The following DHRSX variants were observed in gnomAD, a reference collection of about 807,000 sequenced individuals.
DHRSX encodes dehydrogenase/reductase X-linked, also known as polyprenol dehydrogenase.
Under a neutral mutation model 34.0 loss-of-function variants are expected in DHRSX, and 31 were observed. The ratio of observed to expected loss-of-function variants is 0.91; its 90% CI spans 0.69 to 1.23. The LOEUF is 1.23. Ranked by LOEUF, DHRSX falls within the 50% of genes most tolerant of loss-of-function variation. DHRSX has a pLI of 0.00. For missense variants in DHRSX, 414 were observed against 428.1 expected, an observed-to-expected ratio of 0.97 and a Z score of 0.29; for synonymous variants, 201 against 183.8, an observed-to-expected ratio of 1.09 and a Z score of -0.76.
intron 3 of DHRSX, among the ~76,000 whole-genome samples, chrX:2,308,710 G>A (rs1411601202): frequency 2.7e-5 from 4 of 150,760 alleles, no homozygotes; most frequent in Non-Finnish European, 4.4e-5. Context: ...GAATTCCTAG[G>A]TAGGCAGGGA....
At chrX:2,488,801 T>C in intron 1 of DHRSX, 4 of 1,613,862 alleles carry the variant, frequency 2.5e-6, no homozygotes, top group Non-Finnish European at 3.4e-6. Context: ...CTCGTCCACG[T>C]GCGCGGGAGC....
At chrX:2,470,287 C>T (rs976367591) in intron 1 of DHRSX, among the ~76,000 whole-genome samples, 8 of 150,936 alleles carry the variant, frequency 5.3e-5, no homozygotes, top group Admixed American at 4.7e-4. Context: ...AGGCCAGGAG[C>T]GCTGTGGCTC....
intron 3 of DHRSX, among the ~76,000 whole-genome samples, chrX:2,373,019 G>C (rs1314191168): frequency 6.6e-6 from 1 of 152,166 alleles, no homozygotes; most frequent in Non-Finnish European, 1.5e-5. Context: ...AATTTATAAA[G>C]AAAAAGAGCT....
intron 2 of DHRSX, among the ~76,000 whole-genome samples, chrX:2,415,271 T>A (rs2043679541): frequency 6.6e-6 from 1 of 151,616 alleles, no homozygotes; most frequent in Non-Finnish European, 1.5e-5. Context: ...CATCATGACC[T>A]AATACAACTA....
At chrX:2,474,001 C>G (rs186124786) in intron 1 of DHRSX, among the ~76,000 whole-genome samples, 1 of 150,524 alleles carries the variant, frequency 6.6e-6, no homozygotes, top group African/African-American at 2.5e-5. Context: ...TCTGGGATGG[C>G]GAGGTGCAGA....
intron 1 of DHRSX, among the ~76,000 whole-genome samples, chrX:2,440,936 CT>C (rs1291824135): frequency 6.6e-6 from 1 of 152,204 alleles, no homozygotes; most frequent in Non-Finnish European, 1.5e-5. Context: ...AAGAGCAACG[CT>C]GTAACCAGCC....
chrX:2,267,310 AAGGCGGGTGGATCATCTG>A (rs2041488326), intron 4 of DHRSX, among the ~76,000 whole-genome samples: 1 of 152,028 alleles, frequency 6.6e-6, no homozygotes, highest in Non-Finnish European at 1.5e-5. Context: ...TTGGGAGGCC[AAGGCGGGTGGATCATCTG>A]AGGTCAGGAC....
chrX:2,310,273 T>C (rs772904298), intron 3 of DHRSX, among the ~76,000 whole-genome samples: 1 of 152,172 alleles, frequency 6.6e-6, no homozygotes, highest in Admixed American at 6.6e-5. Context: ...CCTCTCTTCA[T>C]TCAGGAGGGA....
chrX:2,454,296 G>A (rs1334254061), intron 1 of DHRSX, among the ~76,000 whole-genome samples: 1 of 152,124 alleles, frequency 6.6e-6, no homozygotes, highest in Non-Finnish European at 1.5e-5. Context: ...GGAGGCTGAG[G>A]CGGGTGGATC....
At chrX:2,355,543 A>G (rs1306462575) in intron 3 of DHRSX, among the ~76,000 whole-genome samples, 4 of 127,876 alleles carry the variant, frequency 3.1e-5, no homozygotes, top group African/African-American at 9.0e-5. Flanking sequence ...AAAAAAAAAA[A>G]AAGACTATCA....
At chrX:2,284,050 C>T (rs1287073170) in intron 4 of DHRSX, among the ~76,000 whole-genome samples, 1 of 151,526 alleles carries the variant, frequency 6.6e-6, no homozygotes, top group Non-Finnish European at 1.5e-5. Context: ...TCATTCGTTC[C>T]TTTGACTTCA....
At chrX:2,401,679 T>G (rs1457090855) in intron 3 of DHRSX, among the ~76,000 whole-genome samples, 2 of 152,226 alleles carry the variant, frequency 1.3e-5, no homozygotes, top group Admixed American at 1.3e-4. Flanking sequence ...CTGTGTTTGC[T>G]TTCATGGAGC....
chrX:2,488,623 C>G, intron 1 of DHRSX: 1 of 1,581,846 alleles, frequency 6.3e-7, no homozygotes, highest in Non-Finnish European at 8.6e-7. Flanking sequence ...TGTAAGACAA[C>G]ACGCTTCCTC....
intron 3 of DHRSX, among the ~76,000 whole-genome samples, chrX:2,395,108 G>A (rs1229503355): frequency 1.3e-5 from 2 of 152,136 alleles, no homozygotes; most frequent in East Asian, 3.9e-4. Flanking sequence ...CATCACTGGG[G>A]CCAAGGACAG....
intron 6 of DHRSX, among the ~76,000 whole-genome samples, chrX:2,227,056 G>T (rs1196854172): frequency 6.6e-6 from 1 of 151,998 alleles, no homozygotes. Flanking sequence ...CTAACTCCAT[G>T]AAATGTCTTT....
chrX:2,244,244 T>G (rs2016225163), intron 5 of DHRSX, among the ~76,000 whole-genome samples: 1 of 152,104 alleles, frequency 6.6e-6, no homozygotes, highest in Admixed American at 6.6e-5. Flanking sequence ...AATGTTTTAG[T>G]ATCACAGGAC....
chrX:2,396,833 C>T (rs1450423920), intron 3 of DHRSX, among the ~76,000 whole-genome samples: 2 of 149,786 alleles, frequency 1.3e-5, no homozygotes, highest in Non-Finnish European at 3.0e-5. Context: ...ACCACGATCT[C>T]GGCTCACCAC....
At chrX:2,343,779 TTGA>T (rs1205653952) in intron 3 of DHRSX, among the ~76,000 whole-genome samples, 12 of 152,222 alleles carry the variant, frequency 7.9e-5, no homozygotes, top group Admixed American at 2.0e-4. Flanking sequence ...CCCTTTTCTC[TTGA>T]TGATAAATGT....
At chrX:2,456,325 A>G (rs2044295694) in intron 1 of DHRSX, among the ~76,000 whole-genome samples, 1 of 152,132 alleles carries the variant, frequency 6.6e-6, no homozygotes, top group Admixed American at 6.6e-5. Context: ...TCAAGAATGA[A>G]GGGTGCGGCC....
Sources: gnomAD v4.1 joint callset for allele counts (sites outside exome capture counted in the v4.1 genomes callset) on GRCh38, gnomAD v4.1.1 for gene constraint, MANE v1.5 for transcripts, NCBI Gene and HGNC (gene_info 2026-07-23, HGNC 2026-07-21) for gene names.